ADAMTSL1: variants seen among roughly 807,000 people sequenced by gnomAD.
ADAMTSL1 encodes ADAMTS like 1, also known as ADAMTS-like protein 1.
ADAMTSL1 carries 126 observed loss-of-function variants against 201.8 expected under a neutral mutation model. The ratio of observed to expected loss-of-function variants is 0.62; its 90% CI spans 0.54 to 0.72. ADAMTSL1 has a LOEUF of 0.72. ADAMTSL1 is among the 30% of genes least tolerant of loss of function. The pLI is 0.00. For synonymous variants in ADAMTSL1, 1,121 were observed against 903.4 expected (o/e 1.24, Z -4.32); for missense variants, 2,679 against 2,277.8 (o/e 1.18, Z -3.59).
intron 2 of ADAMTSL1, among the ~76,000 whole-genome samples, chr9:18,371,172 T>A (rs543357838): frequency 6.6e-6 from 1 of 152,222 alleles, no homozygotes; most frequent in African/African-American, 2.4e-5. Context: ...TTTTTATTCA[T>A]GTTCTGATGC....
At chr9:18,673,146 A>T (rs1017484507) in intron 9 of ADAMTSL1, among the ~76,000 whole-genome samples, 1 of 152,054 alleles carries the variant, frequency 6.6e-6, no homozygotes, top group African/African-American at 2.4e-5. Context: ...ATGTACACAC[A>T]CCCACATCGA....
chr9:18,676,553 T>C (rs957210972), intron 10 of ADAMTSL1, among the ~76,000 whole-genome samples: 8 of 152,058 alleles, frequency 5.3e-5, no homozygotes, highest in Admixed American at 5.2e-4. Context: ...AAAGAAAGTG[T>C]TCCCTTTATA....
At chr9:18,433,554 A>G (rs1447595002) in intron 2 of ADAMTSL1, among the ~76,000 whole-genome samples, 2 of 152,172 alleles carry the variant, frequency 1.3e-5, no homozygotes, top group African/African-American at 4.8e-5. Context: ...TGATCTTAAT[A>G]TATGTAAAGA....
chr9:18,826,447 C>T lies in ADAMTSL1; in HGVS notation c.4098C>T (p.Thr1366=). ...ANLHGELTES[T]QLLILDPPQV... ...TTCATGGAGAGCTGACTGAGAGCAC[C>T]CAGCTGCTGATCCTAGGTAAACACT... is the stretch of plus-strand genomic sequence containing the variant. Residue 1366 remains threonine, a synonymous_variant, in exon 22 of 29, where the codon ACC becomes ACT. Coordinates refer to ENST00000380548, the MANE Select transcript of ADAMTSL1 (RefSeq NM_001040272.6). 3 of 1,613,260 alleles carry T rather than the reference C, an allele frequency of 1.9e-6. No individual in the cohort carries two copies. Among genetic ancestry groups the T allele is most frequent in the South Asian group, 1.1e-5 (1 of 90,832 alleles).
intron 2 of ADAMTSL1, among the ~76,000 whole-genome samples, chr9:18,179,785 A>C (rs1828369186): frequency 6.6e-6 from 1 of 152,126 alleles, no homozygotes; most frequent in Admixed American, 6.5e-5. Context: ...AAGCTTCATA[A>C]GTGAAGGAGA....
intron 1 of ADAMTSL1, among the ~76,000 whole-genome samples, chr9:17,930,563 G>C (rs1403924037): frequency 6.6e-6 from 1 of 152,100 alleles, no homozygotes; most frequent in Non-Finnish European, 1.5e-5. Context: ...ATTGTGCTTG[G>C]AGAGTCATAA....
chr9:17,921,100 T>A (rs1009563727), intron 1 of ADAMTSL1, among the ~76,000 whole-genome samples: 2 of 152,200 alleles, frequency 1.3e-5, no homozygotes, highest in African/African-American at 4.8e-5. Flanking sequence ...AAAACTCCTA[T>A]TAGTTATTTG....
chr9:18,893,556 G>A (rs184462611), intron 26 of ADAMTSL1, among the ~76,000 whole-genome samples: 170 of 152,302 alleles, frequency 1.1e-3, no homozygotes, highest in Admixed American at 3.5e-3. Context: ...TAGGTCTGAG[G>A]TAGAACTGGG....
At chr9:18,287,335 G>A (rs934218852) in intron 2 of ADAMTSL1, among the ~76,000 whole-genome samples, 2 of 151,238 alleles carry the variant, frequency 1.3e-5, no homozygotes, top group Admixed American at 6.6e-5. Context: ...ACACACACAC[G>A]TGTGTGTATA....
chr9:18,736,960 T>C (rs1678927830), intron 15 of ADAMTSL1, among the ~76,000 whole-genome samples: 1 of 152,154 alleles, frequency 6.6e-6, no homozygotes, highest in African/African-American at 2.4e-5. Flanking sequence ...TAGATGCATT[T>C]TCTGAATATC....
intron 1 of ADAMTSL1, among the ~76,000 whole-genome samples, chr9:17,961,837 GTCACCAC>G (rs1817767047): frequency 6.6e-6 from 1 of 152,072 alleles, no homozygotes; most frequent in African/African-American, 2.4e-5. Context: ...GCATGGTGTG[GTCACCAC>G]AGCTCTAGCA....
intron 8 of ADAMTSL1, among the ~76,000 whole-genome samples, chr9:18,660,195 C>G (rs912999108): frequency 6.6e-6 from 1 of 152,166 alleles, no homozygotes; most frequent in Non-Finnish European, 1.5e-5. Context: ...AAAAGGAAGA[C>G]TGTTCTGAGT....
intron 19 of ADAMTSL1, among the ~76,000 whole-genome samples, chr9:18,794,967 GC>G (rs1822309703): frequency 1.3e-5 from 2 of 152,252 alleles, no homozygotes; most frequent in South Asian, 2.1e-4. Context: ...ATCTCTGGAA[GC>G]CCTACGTTCT....
chr9:18,633,445 C>T (rs1157523718), intron 5 of ADAMTSL1, among the ~76,000 whole-genome samples: 1 of 151,912 alleles, frequency 6.6e-6, no homozygotes, highest in Non-Finnish European at 1.5e-5. Context: ...CAAAAATTAG[C>T]CGGGCTGCAG....
intron 1 of ADAMTSL1, among the ~76,000 whole-genome samples, chr9:18,134,872 T>C (rs1826093919): frequency 1.3e-5 from 2 of 152,178 alleles, no homozygotes; most frequent in Non-Finnish European, 2.9e-5. Flanking sequence ...TGAAGACTTG[T>C]TGGGGACTGC....
intron 8 of ADAMTSL1, among the ~76,000 whole-genome samples, chr9:18,659,351 A>G (rs1828914714): frequency 6.6e-6 from 1 of 152,276 alleles, no homozygotes; most frequent in African/African-American, 2.4e-5. Context: ...TTAGCTTAAA[A>G]GAAGTCAGTA....
chr9:18,047,298 C>T (rs2131652482), intron 1 of ADAMTSL1, among the ~76,000 whole-genome samples: 1 of 152,160 alleles, frequency 6.6e-6, no homozygotes, highest in Non-Finnish European at 1.5e-5. Context: ...GTAATTTTGC[C>T]ACCCCAGGGA....
intron 1 of ADAMTSL1, among the ~76,000 whole-genome samples, chr9:18,003,566 A>G (rs994326085): frequency 2.6e-5 from 4 of 152,100 alleles, no homozygotes; most frequent in African/African-American, 9.6e-5. Flanking sequence ...TCAAAGACTT[A>G]CCATTTGGAT....
intron 2 of ADAMTSL1, among the ~76,000 whole-genome samples, chr9:18,463,221 GGT>G (rs1457553951): frequency 1.4e-4 from 22 of 152,038 alleles, no homozygotes; most frequent in African/African-American, 5.3e-4. Context: ...AATTAGACAT[GGT>G]TAATCATACT....
Sources: allele counts gnomAD v4.1 joint callset (sites outside exome capture counted in the v4.1 genomes callset), GRCh38; gene constraint gnomAD v4.1.1; transcripts MANE v1.5; gene names NCBI Gene and HGNC (gene_info 2026-07-23, HGNC 2026-07-21).